MAGI2: variants seen among roughly 807,000 people sequenced by gnomAD.
MAGI2 encodes the protein membrane-associated guanylate kinase, WW and PDZ domain-containing protein 2.
MAGI2 carries 35 observed loss-of-function variants against 133.3 expected under a neutral mutation model. The ratio of observed to expected loss-of-function variants is 0.26; its 90% CI spans 0.20 to 0.35. The LOEUF (loss-of-function observed/expected upper bound fraction) is 0.35. MAGI2 is among the 10% of genes least tolerant of loss of function. The pLI, the probability that MAGI2 is intolerant of heterozygous loss-of-function variation, is 1.00. For synonymous variants in MAGI2, 729 were observed against 710.6 expected, an observed-to-expected ratio of 1.03 and a Z score of -0.41; for missense variants, 1,636 against 1,863.4, an observed-to-expected ratio of 0.88 and a Z score of 2.25.
chr7:79,138,623 T>C (rs1428304144), intron 1 of MAGI2, among the ~76,000 whole-genome samples: 1 of 152,166 alleles, frequency 6.6e-6, no homozygotes, highest in Non-Finnish European at 1.5e-5. Context: ...TGACTGGTCT[T>C]GGAGACAGGG....
At chr7:78,538,416 C>T (rs1050786926) in intron 3 of MAGI2, among the ~76,000 whole-genome samples, 1 of 152,154 alleles carries the variant, frequency 6.6e-6, no homozygotes, top group Non-Finnish European at 1.5e-5. Flanking sequence ...TTGCTTTTGG[C>T]AGTGTTGTCA....
intron 20 of MAGI2, among the ~76,000 whole-genome samples, chr7:78,096,288 G>A (rs1817684928): frequency 6.6e-6 from 1 of 152,186 alleles, no homozygotes; most frequent in Admixed American, 6.5e-5. Flanking sequence ...TTAACTTAGA[G>A]ATGTTAGACA....
intron 2 of MAGI2, among the ~76,000 whole-genome samples, chr7:78,975,513 A>G (rs1175330615): frequency 5.9e-5 from 9 of 151,704 alleles, no homozygotes; most frequent in Non-Finnish European, 1.3e-4. Context: ...ATTATATGAG[A>G]TGCAGTGAAA....
At chr7:79,171,895 A>G (rs1825663602) in intron 1 of MAGI2, among the ~76,000 whole-genome samples, 1 of 150,700 alleles carries the variant, frequency 6.6e-6, no homozygotes, top group African/African-American at 2.4e-5. Context: ...GTCTTAGGTC[A>G]TTTGAGATGG....
At chr7:79,370,225 T>C (rs923227052) in intron 1 of MAGI2, among the ~76,000 whole-genome samples, 4 of 152,170 alleles carry the variant, frequency 2.6e-5, no homozygotes, top group Non-Finnish European at 4.4e-5. Flanking sequence ...ATACAAAATA[T>C]AGATGGTTAT....
At chr7:78,784,236 A>G (rs1424282686) in intron 2 of MAGI2, among the ~76,000 whole-genome samples, 1 of 151,146 alleles carries the variant, frequency 6.6e-6, no homozygotes, top group East Asian at 1.9e-4. Context: ...GTTGGGGCTC[A>G]GGAAACAATA....
intron 2 of MAGI2, among the ~76,000 whole-genome samples, chr7:78,786,079 C>G (rs1169852495): frequency 6.6e-6 from 1 of 151,962 alleles, no homozygotes; most frequent in Non-Finnish European, 1.5e-5. Flanking sequence ...TATCACCCCC[C>G]ACAACCCCTG....
chr7:78,066,625 T>A (rs1813858304), intron 21 of MAGI2, among the ~76,000 whole-genome samples: 1 of 152,206 alleles, frequency 6.6e-6, no homozygotes, highest in Admixed American at 6.5e-5. Flanking sequence ...GGTCTTGGTC[T>A]GAATCTAGCT....
chr7:78,508,157 G>A (rs533760792), intron 4 of MAGI2, among the ~76,000 whole-genome samples: 2 of 152,036 alleles, frequency 1.3e-5, no homozygotes, highest in Non-Finnish European at 2.9e-5. Context: ...TGGATGAAGG[G>A]TCTACCCCTA....
At chr7:78,075,698 G>A (rs1196263061) in intron 21 of MAGI2, among the ~76,000 whole-genome samples, 1 of 152,098 alleles carries the variant, frequency 6.6e-6, no homozygotes, top group Non-Finnish European at 1.5e-5. Context: ...TTAGCTGTGA[G>A]CACAGTTATA....
At chr7:78,751,790 G>T (rs73365868) in intron 2 of MAGI2, among the ~76,000 whole-genome samples, 4,718 of 152,274 alleles carry the variant, frequency 0.031, 236 homozygotes, top group African/African-American at 0.11. Flanking sequence ...TAGAAAAAAG[G>T]TAATGGCACC....
chr7:79,006,158 G>A (rs1807419457), intron 2 of MAGI2, among the ~76,000 whole-genome samples: 2 of 152,028 alleles, frequency 1.3e-5, no homozygotes, highest in Non-Finnish European at 1.5e-5. Context: ...AACTCTGGTG[G>A]TTCAACCCTA....
chr7:78,046,411 C>A (rs13310679), intron 21 of MAGI2, among the ~76,000 whole-genome samples: 66,609 of 146,260 alleles, frequency 0.46, 15,493 homozygotes, highest in African/African-American at 0.5. Flanking sequence ...CAAAAAAAAA[C>A]AAAAAAAAAA....
At chr7:79,054,861 G>T (rs1813000490) in intron 1 of MAGI2, among the ~76,000 whole-genome samples, 1 of 152,212 alleles carries the variant, frequency 6.6e-6, no homozygotes, top group Admixed American at 6.5e-5. Flanking sequence ...TGCAATCTCA[G>T]TTCACCATAA....
At chr7:78,417,311 A>AG (rs1798388143) in intron 6 of MAGI2, among the ~76,000 whole-genome samples, 2 of 151,642 alleles carry the variant, frequency 1.3e-5, no homozygotes, top group Non-Finnish European at 2.9e-5. Context: ...TTCTAAAAAA[A>AG]AAAAAATATT....
chr7:78,033,005 G>T (rs1809752318), intron 21 of MAGI2, among the ~76,000 whole-genome samples: 1 of 152,050 alleles, frequency 6.6e-6, no homozygotes, highest in Non-Finnish European at 1.5e-5. Flanking sequence ...GCAGAGAAAT[G>T]GTATTTTAAA....
At chr7:78,791,146 C>T (rs1827211738) in intron 2 of MAGI2, among the ~76,000 whole-genome samples, 1 of 152,036 alleles carries the variant, frequency 6.6e-6, no homozygotes, top group Non-Finnish European at 1.5e-5. Context: ...GGAGAGGAGT[C>T]CTCCGTAATA....
intron 1 of MAGI2, among the ~76,000 whole-genome samples, chr7:79,264,550 A>G (rs1432109990): frequency 1.3e-5 from 2 of 152,164 alleles, no homozygotes; most frequent in East Asian, 1.9e-4. Flanking sequence ...TACAACCCCT[A>G]TATTAATCTC....
At chr7:78,573,331 TAAATATATATATATAGAG>T (rs1563189328) in intron 3 of MAGI2, among the ~76,000 whole-genome samples, 3 of 71,530 alleles carry the variant, frequency 4.2e-5, no homozygotes, top group Middle Eastern at 5.2e-3. Context: ...AATATATATA[TAAATATATATATATAGAG>T]AGAGAGAATC....
Sources: gnomAD v4.1 joint callset for allele counts (sites outside exome capture counted in the v4.1 genomes callset) on GRCh38, gnomAD v4.1.1 for gene constraint, MANE v1.5 for transcripts, NCBI Gene and HGNC (gene_info 2026-07-23, HGNC 2026-07-21) for gene names.